Variants in EIF2S2 observed in about 807,000 individuals in gnomAD.
EIF2S2 encodes the protein eukaryotic translation initiation factor 2 subunit 2.
Under a neutral mutation model 44.0 loss-of-function variants are expected in EIF2S2, and 4 were observed. The ratio of observed to expected loss-of-function variants is 0.09; its 90% CI spans 0.04 to 0.21. EIF2S2 has a LOEUF of 0.21. Among genes scored for constraint, EIF2S2 ranks in the 10% least tolerant of loss-of-function variants. The pLI is 1.00. For missense variants in EIF2S2, 154 were observed against 392.0 expected (o/e 0.39, Z 5.13); for synonymous variants, 108 against 128.3 (o/e 0.84, Z 1.07).
At chr20:34,103,349 G>C (rs2034314455) in intron 3 of EIF2S2, 113 bp downstream of exon 3, 2 of 1,373,042 alleles carry the variant, frequency 1.5e-6, no homozygotes, top group Non-Finnish European at 1.9e-6. Flanking sequence ...TGGCAATTAA[G>C]TGCTAATAAC....
chr20:34,103,594 A>G, intron 2 of EIF2S2, 29 bp from the exon 3 acceptor site: 1 of 1,519,412 alleles, frequency 6.6e-7, no homozygotes, highest in Non-Finnish European at 8.8e-7. Context: ...AATTATTAAC[A>G]ACTAAAAGGC....
chr20:34,092,719 C>CGATA (rs2034181511), intron 7 of EIF2S2, among the ~76,000 whole-genome samples: 1 of 152,124 alleles, frequency 6.6e-6, no homozygotes, highest in African/African-American at 2.4e-5. Context: ...ACAGAGCCTA[C>CGATA]GTATCCACCA....
intron 6 of EIF2S2, among the ~76,000 whole-genome samples, chr20:34,094,940 C>CTGGCAA (rs2034209739): frequency 1.3e-5 from 2 of 152,172 alleles, no homozygotes; most frequent in South Asian, 2.1e-4. Flanking sequence ...GGAGTATGAA[C>CTGGCAA]TGGCACGACC....
At chr20:34,099,960 C>T (rs2034276743) in intron 3 of EIF2S2, among the ~76,000 whole-genome samples, 1 of 152,170 alleles carries the variant, frequency 6.6e-6, no homozygotes, top group Admixed American at 6.5e-5. Context: ...GCTCTCCGAA[C>T]CCATGTCTAG....
chr20:34,105,020 T>G (rs1042336471), intron 2 of EIF2S2, among the ~76,000 whole-genome samples: 1 of 152,246 alleles, frequency 6.6e-6, no homozygotes, highest in Non-Finnish European at 1.5e-5. Flanking sequence ...ATATACATTT[T>G]CAGACTTGCT....
chr20:34,103,283 C>G (rs2034313853), intron 3 of EIF2S2, among the ~76,000 whole-genome samples, 179 bp downstream of exon 3: 1 of 152,126 alleles, frequency 6.6e-6, no homozygotes, highest in African/African-American at 2.4e-5. Context: ...TTCCTTGAAC[C>G]ACAATCCCTT....
chr20:34,104,902 G>A (rs959681817), intron 2 of EIF2S2, among the ~76,000 whole-genome samples: 3 of 152,226 alleles, frequency 2.0e-5, no homozygotes, highest in African/African-American at 7.2e-5. Flanking sequence ...AATGTTTATA[G>A]AAACATTTCT....
Position 34,096,683 on chromosome 20 carries a change from A to T in EIF2S2, c.657T>A (p.Phe219Leu). 1.9e-6 allele frequency: 3 copies of T among 1,604,390 alleles called. No individual in the cohort carries two copies. The highest frequency in any genetic ancestry group is 2.5e-6 in the Non-Finnish European group (3 of 1,177,500). ...GTTTACAGATATCTGTAAAGTTGACAAAAGAAGTTTTCTTGGTTCCTACTC... is the reference window on the plus strand; with the variant it reads ...GTTTACAGATATCTGTAAAGTTGACTAAAGAAGTTTTCTTGGTTCCTACTC... ...VVRVGTKKTS[F>L]VNFTDICKLL... The change falls in exon 6 of 9, where the codon TTT becomes TTA. Residue 219 changes from phenylalanine to leucine, a missense_variant. Coordinates refer to ENST00000374980, the MANE Select transcript of EIF2S2 (RefSeq NM_003908.5).
chr20:34,098,159 T>C (rs1011090407), intron 4 of EIF2S2, among the ~76,000 whole-genome samples: 1 of 151,344 alleles, frequency 6.6e-6, no homozygotes, highest in Non-Finnish European at 1.5e-5. Context: ...GGCGGGAGAA[T>C]CGCTTGAACC....
chr20:34,111,295 A>C (rs1024821780), intron 1 of EIF2S2, among the ~76,000 whole-genome samples: 1 of 152,230 alleles, frequency 6.6e-6, no homozygotes, highest in Non-Finnish European at 1.5e-5. Context: ...GGCCTCCCCC[A>C]ATGTTAAGCA....
At chr20:34,109,267 T>C (rs1360768573) in intron 1 of EIF2S2, among the ~76,000 whole-genome samples, 4 of 152,216 alleles carry the variant, frequency 2.6e-5, no homozygotes, top group Non-Finnish European at 5.9e-5. Context: ...TGGGACCTAG[T>C]AGCAAGTAGG....
chr20:34,107,539 T>C (rs1175688222), intron 1 of EIF2S2, among the ~76,000 whole-genome samples: 1 of 152,220 alleles, frequency 6.6e-6, no homozygotes, highest in Non-Finnish European at 1.5e-5. Context: ...GGTACGTAAG[T>C]ACTCGATAAA....
At chr20:34,111,461 C>A (rs1193363351) in intron 1 of EIF2S2, among the ~76,000 whole-genome samples, 1 of 152,234 alleles carries the variant, frequency 6.6e-6, no homozygotes, top group Non-Finnish European at 1.5e-5. Flanking sequence ...CCGCACTTCC[C>A]GCTCACGTCG....
chr20:34,102,134 A>G (rs2034302547), intron 3 of EIF2S2, among the ~76,000 whole-genome samples: 1 of 152,196 alleles, frequency 6.6e-6, no homozygotes, highest in Non-Finnish European at 1.5e-5. Flanking sequence ...GCCTTCAAAA[A>G]TAGTATTCAA....
intron 6 of EIF2S2, 48 bp downstream of exon 6, chr20:34,096,609 A>G: frequency 6.5e-7 from 1 of 1,528,562 alleles, no homozygotes; most frequent in Non-Finnish European, 8.8e-7. Flanking sequence ...TTAAAACTGC[A>G]ATGAGAATCT....
chr20:34,093,578 G>C, intron 7 of EIF2S2, 97 bp downstream of exon 7: 1 of 1,090,784 alleles, frequency 9.2e-7, no homozygotes, highest in Non-Finnish European at 1.3e-6. Context: ...CTAATAATCA[G>C]GTGAACATTT....
intron 1 of EIF2S2, 125 bp from the exon 2 acceptor site, chr20:34,105,670 AG>A (rs35112570): frequency 2.2e-6 from 2 of 906,398 alleles, no homozygotes; most frequent in Non-Finnish European, 3.1e-6. Context: ...AAAACACCAA[AG>A]GGGAGTTTAC....
At chr20:34,094,213 A>C (rs2034201217) in intron 6 of EIF2S2, among the ~76,000 whole-genome samples, 1 of 152,226 alleles carries the variant, frequency 6.6e-6, no homozygotes, top group Non-Finnish European at 1.5e-5. Flanking sequence ...TTCAATGCCC[A>C]TAAGACCATA....
chr20:34,102,904 A>G (rs1172203504), intron 3 of EIF2S2, among the ~76,000 whole-genome samples: 3 of 152,140 alleles, frequency 2.0e-5, no homozygotes, highest in Admixed American at 6.5e-5. Context: ...CTCCCTGTCC[A>G]AAAGAATTTT....
Sources: gnomAD v4.1 joint callset for allele counts (sites outside exome capture counted in the v4.1 genomes callset) on GRCh38, gnomAD v4.1.1 for gene constraint, MANE v1.5 for transcripts, NCBI Gene and HGNC (gene_info 2026-07-23, HGNC 2026-07-21) for gene names.